The following FBXL18 variants were observed in gnomAD, a reference collection of about 807,000 sequenced individuals.
FBXL18 encodes F-box and leucine rich repeat protein 18.
A neutral mutation model predicts 46.0 loss-of-function variants in FBXL18; 36 were observed. The ratio of observed to expected loss-of-function variants is 0.78; its 90% CI spans 0.60 to 1.03. FBXL18 has a LOEUF of 1.03. Among genes scored for constraint, FBXL18 ranks in the 50% least tolerant of loss-of-function variants. The pLI, the probability that FBXL18 is intolerant of heterozygous loss-of-function variation, is 0.00. For synonymous variants in FBXL18, 557 were observed against 465.3 expected (o/e 1.20, Z -2.54); for missense variants, 977 against 1,004.1 (o/e 0.97, Z 0.36).
At chr7:5,484,169 G>A (rs1487770094) in intron 4 of FBXL18, among the ~76,000 whole-genome samples, 1 of 152,186 alleles carries the variant, frequency 6.6e-6, no homozygotes, top group Admixed American at 6.5e-5. Context: ...TCGTGAGGCT[G>A]TTAAGGAGCT....
intron 1 of FBXL18, among the ~76,000 whole-genome samples, chr7:5,508,786 G>T (rs967445057): frequency 6.6e-6 from 1 of 152,042 alleles, no homozygotes; most frequent in African/African-American, 2.4e-5. Context: ...CCTTATCAAG[G>T]AATGAACTGT....
chr7:5,471,569 C>T (rs896952967), downstream of FBXL18, among the ~76,000 whole-genome samples: 10 of 152,112 alleles, frequency 6.6e-5, no homozygotes, highest in Non-Finnish European at 4.4e-5. Flanking sequence ...CGCCATCACG[C>T]CCGGCTAATT....
intron 4 of FBXL18, among the ~76,000 whole-genome samples, chr7:5,485,822 T>G (rs952788528): frequency 6.6e-6 from 1 of 151,046 alleles, no homozygotes; most frequent in Non-Finnish European, 1.5e-5. Flanking sequence ...GAGGCTGAGG[T>G]GGGCGGATTA....
intron 3 of FBXL18, among the ~76,000 whole-genome samples, chr7:5,495,239 T>A (rs950050000): frequency 6.6e-6 from 1 of 152,136 alleles, no homozygotes; most frequent in Non-Finnish European, 1.5e-5. Context: ...GAGCTCACAG[T>A]GCGGGGGCTC....
chr7:5,489,453 G>A (rs553770464), intron 4 of FBXL18: 35 of 414,142 alleles, frequency 8.5e-5, no homozygotes, highest in African/African-American at 7.3e-4. Flanking sequence ...TGGGCAACAT[G>A]ATGAAACCCC....
intron 1 of FBXL18, among the ~76,000 whole-genome samples, chr7:5,511,307 A>C (rs10268683): frequency 6.6e-6 from 1 of 151,664 alleles, no homozygotes; most frequent in Non-Finnish European, 1.5e-5. Flanking sequence ...GGCCGGGCGC[A>C]GTGGCTCACG....
At chr7:5,467,956 C>T (rs978980389) in intron 4 of FBXL18, among the ~76,000 whole-genome samples, 36 of 151,646 alleles carry the variant, frequency 2.4e-4, no homozygotes, top group African/African-American at 7.5e-4. Flanking sequence ...AAGCAGGACC[C>T]GAAATCCAAT....
chr7:5,481,729 G>A lies in FBXL18; in HGVS notation c.*46C>T, dbSNP rs1463327865. 5.6e-6 allele frequency: 9 copies of A among 1,602,540 alleles called. No homozygotes were observed. The highest frequency in any genetic ancestry group is 7.7e-6 in the Non-Finnish European group (9 of 1,173,372). On this transcript the variant is annotated 3_prime_UTR_variant, in exon 5 of 5. Transcript: ENST00000382368. ...AGGGTCCCTGGCGTCCCAGGCTCCT[G>A]CAGCTTCTCGAGGTGACTGAGACCG...
intron 3 of FBXL18, among the ~76,000 whole-genome samples, chr7:5,498,115 C>G (rs1255696123): frequency 2.1e-5 from 3 of 144,520 alleles, no homozygotes; most frequent in Non-Finnish European, 4.5e-5. Flanking sequence ...GAGTCTCACT[C>G]TGTCACCCAT....
Position 5,496,849 on chromosome 7 carries a change from A to G in FBXL18, c.1781+3639T>C, listed in dbSNP as rs1784093134. Among the ~76,000 whole-genome samples the G allele has an allele frequency of 6.6e-6, 1 of 151,842 alleles. No individual in the cohort carries two copies. Among genetic ancestry groups the G allele is most frequent in the Non-Finnish European group, 1.5e-5 (1 of 67,974 alleles). ...GAGACCAGCCTGGCCAACATGGTGA[A>G]ACCCCGTCTCTACTAAAAATACAAA... On this transcript the variant is annotated intron_variant, in intron 3 of 4. Coordinates refer to ENST00000382368, the MANE Select transcript of FBXL18 (RefSeq NM_024963.6). This position sits in a 1 kb window ranked among gnomAD's most constrained non-coding sequence, Gnocchi z 4.8.
At chr7:5,499,065 A>C (rs931193198) in intron 3 of FBXL18, among the ~76,000 whole-genome samples, 1 of 151,996 alleles carries the variant, frequency 6.6e-6, no homozygotes, top group African/African-American at 2.4e-5. Flanking sequence ...TCTGGTGTGG[A>C]GCTCTCCCAG....
intron 1 of FBXL18, among the ~76,000 whole-genome samples, chr7:5,512,453 G>A (rs527928261): frequency 6.6e-6 from 1 of 152,044 alleles, no homozygotes; most frequent in Non-Finnish European, 1.5e-5. Flanking sequence ...TGTCTCTACT[G>A]AAAATACAAA....
At chr7:5,509,323 A>C (rs1447807636) in intron 1 of FBXL18, among the ~76,000 whole-genome samples, 1 of 152,152 alleles carries the variant, frequency 6.6e-6, no homozygotes, top group African/African-American at 2.4e-5. Context: ...CAGGCCAGGA[A>C]TTAAGTTCCA....
At chr7:5,457,807 C>A (rs1180465452) in intron 4 of FBXL18, among the ~76,000 whole-genome samples, 4 of 152,126 alleles carry the variant, frequency 2.6e-5, no homozygotes, top group Non-Finnish European at 5.9e-5. Flanking sequence ...CACCAGATCT[C>A]CAGGCCACGT....
intron 4 of FBXL18, among the ~76,000 whole-genome samples, chr7:5,483,358 T>C (rs1196828279): frequency 6.6e-6 from 1 of 151,780 alleles, no homozygotes; most frequent in Non-Finnish European, 1.5e-5. Flanking sequence ...GGAGAATCCC[T>C]TGAACCCAGG....
chr7:5,488,858 C>T (rs562579466), intron 4 of FBXL18, among the ~76,000 whole-genome samples: 1 of 152,346 alleles, frequency 6.6e-6, no homozygotes, highest in African/African-American at 2.4e-5. Flanking sequence ...CAGTGCACCC[C>T]TTCCCCCAAC....
chr7:5,489,454 A>G (rs4724702), intron 4 of FBXL18: 366,160 of 406,574 alleles, frequency 0.9, 165,206 homozygotes, highest in Middle Eastern at 0.95. Context: ...GGGCAACATG[A>G]TGAAACCCCG....
intron 4 of FBXL18, among the ~76,000 whole-genome samples, chr7:5,467,221 A>G (rs991943149): frequency 1.9e-4 from 29 of 152,162 alleles, no homozygotes; most frequent in Non-Finnish European, 3.2e-4. Context: ...CGCGGTGGCG[A>G]GCGCCTGTAG....
chr7:5,493,250 G>A (rs1366068490), intron 3 of FBXL18, among the ~76,000 whole-genome samples: 1 of 152,122 alleles, frequency 6.6e-6, no homozygotes, highest in Non-Finnish European at 1.5e-5. Context: ...TGGGAGGATC[G>A]CTTGAGCCCA....
Sources: allele counts gnomAD v4.1 joint callset (sites outside exome capture counted in the v4.1 genomes callset), GRCh38; gene constraint gnomAD v4.1.1; non-coding constraint Gnocchi (gnomAD v3.1); transcripts MANE v1.5; gene names NCBI Gene and HGNC (gene_info 2026-07-23, HGNC 2026-07-21).